LIMS1: variants seen among roughly 807,000 people sequenced by gnomAD.
The protein encoded by LIMS1 is LIM zinc finger domain containing 1.
In LIMS1, 18 loss-of-function variants were observed where a neutral mutation model predicts 44.1. The observed-to-expected ratio is 0.41, with a 90% confidence interval of 0.28 to 0.61. The LOEUF (loss-of-function observed/expected upper bound fraction) is 0.61, where lower values mean the gene tolerates loss of function less well. Ranked by LOEUF, LIMS1 falls within the 20% of genes least tolerant of loss-of-function variation. The pLI is 0.32. For synonymous variants in LIMS1, 93 were observed against 149.1 expected (o/e 0.62, Z 2.74); for missense variants, 201 against 422.0 (o/e 0.48, Z 4.59).
intron 1 of LIMS1, among the ~76,000 whole-genome samples, chr2:108,567,196 TC>T (rs982432860): frequency 2.0e-5 from 3 of 152,224 alleles, no homozygotes; most frequent in African/African-American, 7.2e-5. Context: ...TACGTGTTTC[TC>T]CCATGTCTGC....
At chr2:108,570,948 A>C (rs1294733753) in intron 1 of LIMS1, among the ~76,000 whole-genome samples, 1 of 152,228 alleles carries the variant, frequency 6.6e-6, no homozygotes, top group Non-Finnish European at 1.5e-5. Context: ...TTTTGGTCTA[A>C]TGTGGTAACA....
At chr2:108,642,342 GT>G (rs764932432) in intron 1 of LIMS1, among the ~76,000 whole-genome samples, 2 of 14,958 alleles carry the variant, frequency 1.3e-4, no homozygotes, top group Non-Finnish European at 3.9e-4. Flanking sequence ...AGTGTTTTTT[GT>G]TTTTTTTTTT....
At chr2:108,646,791 C>T (rs530436473) in intron 1 of LIMS1, among the ~76,000 whole-genome samples, 23 of 152,186 alleles carry the variant, frequency 1.5e-4, no homozygotes, top group South Asian at 6.2e-4. Flanking sequence ...CTGCAAGCTC[C>T]GCCTCCCGAG....
At chr2:108,610,555 G>A (rs1044179613) in intron 1 of LIMS1, among the ~76,000 whole-genome samples, 1 of 152,034 alleles carries the variant, frequency 6.6e-6, no homozygotes, top group Non-Finnish European at 1.5e-5. Context: ...TTATAAGCTG[G>A]TCTCTGAGAA....
Position 108,673,207 on chromosome 2 carries a change from G to GTT in LIMS1, c.530+180_530+181dup, listed in dbSNP as rs143728718. On this transcript the variant is annotated intron_variant, in intron 5 of 9. Transcript: ENST00000544547. ...ATGAAACCTGTATACACTTAATTTCGTTTCACCAGTTGACATTTTGCCATG... is the reference window on the plus strand; with the variant it reads ...ATGAAACCTGTATACACTTAATTTCGTTTTTCACCAGTTGACATTTTGCCATG... 8.5e-3 allele frequency: 8,160 copies of GTT among 962,564 alleles called. 474 individuals are homozygous for GTT. The African/African-American group carries it at 0.12, about 15-fold the overall frequency. The allele number at this position is 962,564 out of a possible 1,614,324, so 59.6% of individuals were successfully genotyped here. A position where few individuals can be genotyped will look rare whatever the true frequency, so the allele number is the denominator to read the frequency against.
chr2:108,551,740 A>G (rs1251622347), intron 1 of LIMS1, among the ~76,000 whole-genome samples: 1 of 146,488 alleles, frequency 6.8e-6, no homozygotes, highest in Non-Finnish European at 1.5e-5. Flanking sequence ...TATATGATAT[A>G]CAATATACAT....
intron 1 of LIMS1, among the ~76,000 whole-genome samples, chr2:108,564,970 AG>A (rs1329736499): frequency 4.6e-4 from 22 of 47,966 alleles, no homozygotes; most frequent in African/African-American, 1.1e-3. Flanking sequence ...TAGCTCTTTA[AG>A]AGAAACCCCT....
At chr2:108,534,560 G>A in exon 1 of LIMS1, 1 of 1,202,094 alleles carries the variant, frequency 8.3e-7, no homozygotes, top group Non-Finnish European at 1.0e-6. Context: ...CGAAAGCGGA[G>A]AGATGCTGGG....
At chr2:108,607,477 G>C (rs1687335378) in intron 1 of LIMS1, among the ~76,000 whole-genome samples, 1 of 152,156 alleles carries the variant, frequency 6.6e-6, no homozygotes, top group African/African-American at 2.4e-5. Context: ...AACCAGAAAA[G>C]AGGTATTGAT....
At chr2:108,583,700 C>CTTTTTTTTTTTTTTTT (rs759827869) in intron 1 of LIMS1, among the ~76,000 whole-genome samples, 2 of 129,872 alleles carry the variant, frequency 1.5e-5, no homozygotes, top group African/African-American at 2.8e-5. Context: ...GTTGCTGTTT[C>CTTTTTTTTTTTTTTTT]TTTTTTTTTT....
At chr2:108,674,192 C>T (rs1331809355) in intron 5 of LIMS1, among the ~76,000 whole-genome samples, 8 of 151,252 alleles carry the variant, frequency 5.3e-5, no homozygotes, top group Non-Finnish European at 2.9e-5. Context: ...TAGCCGGGCA[C>T]GGTGGCGGGT....
intron 1 of LIMS1, among the ~76,000 whole-genome samples, chr2:108,578,262 A>G (rs1433444099): frequency 6.6e-6 from 1 of 152,114 alleles, no homozygotes; most frequent in Non-Finnish European, 1.5e-5. Flanking sequence ...GTTAGTCACC[A>G]TTTCTAATTA....
chr2:108,534,289 C>A (rs1220695906), upstream of LIMS1: 5 of 184,392 alleles, frequency 2.7e-5, no homozygotes, highest in Non-Finnish European at 4.4e-5. Flanking sequence ...CCCCGCCCCC[C>A]CGCGCCTACC....
chr2:108,560,164 T>A (rs1210242177), intron 1 of LIMS1, among the ~76,000 whole-genome samples: 1 of 152,156 alleles, frequency 6.6e-6, no homozygotes, highest in Admixed American at 6.5e-5. Context: ...TGCTGTCACC[T>A]CTCAACTGGA....
chr2:108,586,425 G>A (rs1219404900), intron 1 of LIMS1, among the ~76,000 whole-genome samples: 1 of 152,222 alleles, frequency 6.6e-6, no homozygotes, highest in African/African-American at 2.4e-5. Context: ...AAGGCCTGAA[G>A]AGTAAGCATA....
intron 1 of LIMS1, among the ~76,000 whole-genome samples, chr2:108,612,035 C>T (rs1687679922): frequency 1.2e-5 from 1 of 83,662 alleles, no homozygotes; most frequent in African/African-American, 4.8e-5. Flanking sequence ...CATATACACA[C>T]ACACACACAC....
chr2:108,613,832 T>A (rs1029610207), intron 1 of LIMS1, among the ~76,000 whole-genome samples: 2 of 152,136 alleles, frequency 1.3e-5, no homozygotes, highest in Non-Finnish European at 2.9e-5. Flanking sequence ...TTGAGCCTGG[T>A]TTCTTGGATC....
At position 108,681,408 on chromosome 2, in the gene LIMS1, A is replaced by G. The variant is rs1016056784; in HGVS notation, c.899+638A>G. 2.4e-5 allele frequency: 23 copies of G among 977,336 alleles called. No individual in the cohort carries two copies. The African/African-American group carries it at 3.7e-4, about 16-fold the overall frequency. The allele number at this position is 977,336 out of a possible 1,614,324, so 60.5% of individuals were successfully genotyped here. A position where few individuals can be genotyped will look rare whatever the true frequency, so the allele number is the denominator to read the frequency against. On this transcript the variant is annotated intron_variant, in intron 9 of 9. Coordinates refer to ENST00000544547, the Ensembl canonical transcript of LIMS1. ...TCACTCACCTCATTTTTTAAACACCATATAGTATACATTTCTTTCTTTTTT... is the reference window on the plus strand; with the variant it reads ...TCACTCACCTCATTTTTTAAACACCGTATAGTATACATTTCTTTCTTTTTT...
chr2:108,684,149 A>T (rs1693189148), exon 10 of LIMS1: 1 of 450,598 alleles, frequency 2.2e-6, no homozygotes, highest in Admixed American at 4.2e-5. Context: ...TAAAAAAGAA[A>T]AATTCATATA....
Sources: gnomAD v4.1 joint callset for allele counts (sites outside exome capture counted in the v4.1 genomes callset) on GRCh38, gnomAD v4.1.1 for gene constraint, MANE v1.5 for transcripts, NCBI Gene and HGNC (gene_info 2026-07-23, HGNC 2026-07-21) for gene names.